Variants in CYTH3 observed in about 807,000 individuals in gnomAD.
CYTH3 encodes cytohesin-3.
Under a neutral mutation model 55.1 loss-of-function variants are expected in CYTH3, and 23 were observed. The observed-to-expected ratio is 0.42, with a 90% confidence interval of 0.30 to 0.59. The LOEUF is 0.59. CYTH3 is among the 20% of genes least tolerant of loss of function. The pLI is 0.20. For synonymous variants in CYTH3, 249 were observed against 194.9 expected, an observed-to-expected ratio of 1.28 and a Z score of -2.31; for missense variants, 413 against 524.8, an observed-to-expected ratio of 0.79 and a Z score of 2.08.
chr7:6,271,158 C>A (rs926490591), intron 1 of CYTH3, among the ~76,000 whole-genome samples: 1 of 152,132 alleles, frequency 6.6e-6, no homozygotes, highest in African/African-American at 2.4e-5. Context: ...ACAGCGCTCC[C>A]ATCAACACAC....
chr7:6,187,557 C>A, intron 3 of CYTH3, 100 bp downstream of exon 3: 1 of 1,050,828 alleles, frequency 9.5e-7, no homozygotes, highest in Non-Finnish European at 1.5e-6. Flanking sequence ...AGGCTCCCCA[C>A]ATCCCAACCA....
chr7:6,178,560 G>A (rs1414250107), intron 4 of CYTH3, among the ~76,000 whole-genome samples: 2 of 152,254 alleles, frequency 1.3e-5, no homozygotes, highest in African/African-American at 4.8e-5. Context: ...ACACTTATGT[G>A]ATGACCAGAG....
chr7:6,243,660 C>T (rs533657158), intron 1 of CYTH3, among the ~76,000 whole-genome samples: 1 of 152,192 alleles, frequency 6.6e-6, no homozygotes, highest in African/African-American at 2.4e-5. Flanking sequence ...TAAATTACAG[C>T]CAGCCATTCC....
rs1202493331 is a variant in CYTH3 at position 6,161,969 on chromosome 7, C to T, written c.*2975G>A. ...GAAATCAACAGATGTACATTATTTA[C>T]ATATTACTATATTTACCGCAAATAG... is the stretch of plus-strand genomic sequence containing the variant. On this transcript the variant is annotated 3_prime_UTR_variant, in exon 13 of 13. Transcript: ENST00000350796. 1.3e-5 allele frequency: 2 copies of T among 152,554 alleles called. No individual in the cohort carries two copies. The highest frequency in any genetic ancestry group is 4.8e-5 in the African/African-American group (2 of 41,416). 9.5% of individuals were successfully genotyped at this position (152,554 alleles called of 1,614,324 possible). A position where few individuals can be genotyped will look rare whatever the true frequency, so the allele number is the denominator to read the frequency against.
intron 1 of CYTH3, among the ~76,000 whole-genome samples, chr7:6,197,772 T>G (rs1783968032): frequency 6.6e-6 from 1 of 152,150 alleles, no homozygotes; most frequent in Non-Finnish European, 1.5e-5. Context: ...AGAGTTTGAA[T>G]TTTTCATGTT....
chr7:6,185,441 A>C (rs1221704718), intron 4 of CYTH3, among the ~76,000 whole-genome samples: 4 of 152,132 alleles, frequency 2.6e-5, no homozygotes, highest in Non-Finnish European at 4.4e-5. Flanking sequence ...TCACGCCTGT[A>C]ATCCCAGCAC....
chr7:6,221,472 T>C (rs1784550616), intron 1 of CYTH3, among the ~76,000 whole-genome samples: 1 of 152,174 alleles, frequency 6.6e-6, no homozygotes, highest in Non-Finnish European at 1.5e-5. Flanking sequence ...TTTGTGGTGA[T>C]GGAACAGTTC....
At chr7:6,233,480 C>T (rs1412237680) in intron 1 of CYTH3, among the ~76,000 whole-genome samples, 1 of 151,940 alleles carries the variant, frequency 6.6e-6, no homozygotes, top group African/African-American at 2.4e-5. Flanking sequence ...CACAATGAAA[C>T]CCCATTTCTA....
intron 1 of CYTH3, among the ~76,000 whole-genome samples, chr7:6,210,549 G>A (rs1449437427): frequency 2.0e-5 from 3 of 152,226 alleles, no homozygotes; most frequent in African/African-American, 7.2e-5. Context: ...GAGAACTTAA[G>A]TTGGGAAGAT....
At chr7:6,270,984 C>T (rs1016544553) in intron 1 of CYTH3, among the ~76,000 whole-genome samples, 85 of 152,310 alleles carry the variant, frequency 5.6e-4, no homozygotes, top group African/African-American at 2.0e-3. Flanking sequence ...TAATGTCCAA[C>T]GTCTGCATAT....
At chr7:6,247,931 C>T (rs553864030) in intron 1 of CYTH3, among the ~76,000 whole-genome samples, 2 of 151,980 alleles carry the variant, frequency 1.3e-5, no homozygotes, top group African/African-American at 4.8e-5. Context: ...CCTCCCAAAG[C>T]GCTGGGAATA....
chr7:6,237,212 G>A (rs895927972), intron 1 of CYTH3, among the ~76,000 whole-genome samples: 3 of 152,192 alleles, frequency 2.0e-5, no homozygotes, highest in African/African-American at 7.2e-5. Context: ...TAGAACTGTT[G>A]GTCTGATAGG....
chr7:6,231,566 C>G (rs1031393285), intron 1 of CYTH3, among the ~76,000 whole-genome samples: 2 of 152,230 alleles, frequency 1.3e-5, no homozygotes, highest in Non-Finnish European at 2.9e-5. Context: ...ATTCAGCACA[C>G]TGGAGAAATG....
intron 1 of CYTH3, among the ~76,000 whole-genome samples, chr7:6,235,426 T>C (rs943993302): frequency 2.7e-5 from 4 of 150,802 alleles, no homozygotes; most frequent in East Asian, 1.9e-4. Context: ...TCAGCCAAGA[T>C]TGCACCACTG....
intron 5 of CYTH3, among the ~76,000 whole-genome samples, chr7:6,177,004 C>T (rs1021477117): frequency 6.6e-6 from 1 of 152,246 alleles, no homozygotes; most frequent in African/African-American, 2.4e-5. Context: ...GTGAAAGATA[C>T]ATTACTTTAA....
intron 1 of CYTH3, among the ~76,000 whole-genome samples, chr7:6,241,986 G>C (rs1378486108): frequency 3.3e-5 from 5 of 152,050 alleles, no homozygotes; most frequent in Non-Finnish European, 7.4e-5. Flanking sequence ...GTAGGACAGG[G>C]GACAGAATAG....
chr7:6,183,942 A>G lies in CYTH3; in HGVS notation c.249+3108T>C, dbSNP rs539708518. Among the ~76,000 whole-genome samples the G allele has an allele frequency of 9.2e-5, 14 of 151,392 alleles. No individual in the cohort carries two copies. In the South Asian group the frequency reaches 1.7e-3, roughly 18 times the overall value. On this transcript the variant is annotated intron_variant, in intron 4 of 12. Transcript: ENST00000350796. The stretch of plus-strand genomic sequence containing the variant: ...GAAGGCGGCTACTAGCAAGCCAGGA[A>G]GAGAGCCCTCACCAGACACCAATCA...
At chr7:6,268,193 G>A (rs562990818) in intron 1 of CYTH3, among the ~76,000 whole-genome samples, 12 of 152,176 alleles carry the variant, frequency 7.9e-5, no homozygotes, top group African/African-American at 2.6e-4. Context: ...TTTTGAGACA[G>A]GGTCTCACTC....
chr7:6,177,184 C>T (rs760030770), intron 5 of CYTH3, among the ~76,000 whole-genome samples: 3 of 152,134 alleles, frequency 2.0e-5, no homozygotes, highest in Non-Finnish European at 2.9e-5. Context: ...GAGAATGAGT[C>T]GGGAAGTATT....
Sources: allele counts gnomAD v4.1 joint callset (sites outside exome capture counted in the v4.1 genomes callset), GRCh38; gene constraint gnomAD v4.1.1; transcripts MANE v1.5; gene names NCBI Gene and HGNC (gene_info 2026-07-23, HGNC 2026-07-21).